Variants in COL22A1 observed in about 807,000 individuals in gnomAD.
COL22A1 encodes the protein collagen type XXII alpha 1 chain, also known as collagen alpha-1(XXII) chain.
COL22A1 carries 221 observed loss-of-function variants against 248.9 expected under a neutral mutation model. The ratio of observed to expected loss-of-function variants is 0.89; its 90% CI spans 0.80 to 0.99. The LOEUF (loss-of-function observed/expected upper bound fraction) is 0.99. Ranked by LOEUF, COL22A1 falls within the 50% of genes least tolerant of loss-of-function variation. The probability of loss-of-function intolerance (pLI) is 0.00; values close to 1 mark genes in which losing one functional copy is unlikely to be tolerated. For synonymous variants in COL22A1, 891 were observed against 793.4 expected (o/e 1.12, Z -2.07); for missense variants, 2,240 against 2,179.0 (o/e 1.03, Z -0.56).
chr8:138,726,837 G>T (rs979610528), intron 23 of COL22A1, among the ~76,000 whole-genome samples: 1 of 152,246 alleles, frequency 6.6e-6, no homozygotes, highest in South Asian at 2.1e-4. Context: ...GGCTGTCATA[G>T]TGAGGAGGAG....
intron 40 of COL22A1, 100 bp from the exon 41 acceptor site, chr8:138,676,735 C>A: frequency 1.1e-6 from 1 of 872,946 alleles, no homozygotes. Context: ...TGACTGCAGG[C>A]TTCTCCTGCC....
chr8:138,661,194 T>C (rs1241366515), intron 43 of COL22A1, among the ~76,000 whole-genome samples: 1 of 152,048 alleles, frequency 6.6e-6, no homozygotes, highest in African/African-American at 2.4e-5. Context: ...AATACTCCTA[T>C]TAGACTGGCT....
intron 40 of COL22A1, among the ~76,000 whole-genome samples, chr8:138,678,015 G>A (rs1825695687): frequency 6.6e-6 from 1 of 152,220 alleles, no homozygotes; most frequent in African/African-American, 2.4e-5. Flanking sequence ...GCTTTATTAA[G>A]GTTTAGGTTA....
At chr8:138,674,634 G>T (rs1458277586) in intron 41 of COL22A1, among the ~76,000 whole-genome samples, 2 of 152,250 alleles carry the variant, frequency 1.3e-5, no homozygotes, top group East Asian at 3.9e-4. Context: ...GTGGCAGGTG[G>T]GGTGAATTGT....
At chr8:138,646,578 A>G in intron 47 of COL22A1, 51 bp downstream of exon 47, 3 of 1,383,142 alleles carry the variant, frequency 2.2e-6, no homozygotes, top group Non-Finnish European at 2.9e-6. Flanking sequence ...GAGATTAACC[A>G]TTGAGATGAG....
At chr8:138,593,413 A>G (rs184567469) in intron 63 of COL22A1, among the ~76,000 whole-genome samples, 194 of 152,290 alleles carry the variant, frequency 1.3e-3, no homozygotes, top group African/African-American at 4.5e-3. Flanking sequence ...CTTTTGTTAA[A>G]AAAAAAGTTT....
chr8:138,653,040 C>T (rs374458068), intron 45 of COL22A1, among the ~76,000 whole-genome samples: 15 of 152,208 alleles, frequency 9.9e-5, no homozygotes, highest in Admixed American at 3.9e-4. Context: ...AGCCATCGCA[C>T]CCCGCCGGTC....
intron 47 of COL22A1, among the ~76,000 whole-genome samples, chr8:138,643,507 C>T (rs1371513043): frequency 2.6e-5 from 4 of 152,090 alleles, no homozygotes; most frequent in Non-Finnish European, 5.9e-5. Context: ...AGTGCCAACA[C>T]CCTTTTCCAG....
intron 4 of COL22A1, among the ~76,000 whole-genome samples, chr8:138,842,560 C>T (rs112179218): frequency 2.1e-3 from 313 of 152,274 alleles, no homozygotes; most frequent in African/African-American, 7.1e-3. Flanking sequence ...GCCAGAGCCT[C>T]GCTGGGGATT....
At chr8:138,707,001 A>G (rs1177625485) in intron 30 of COL22A1, among the ~76,000 whole-genome samples, 1 of 152,236 alleles carries the variant, frequency 6.6e-6, no homozygotes, top group African/African-American at 2.4e-5. Flanking sequence ...AGAGAATACT[A>G]TAAACACTTC....
At chr8:138,618,603 T>C (rs1819519079) in intron 53 of COL22A1, among the ~76,000 whole-genome samples, 1 of 152,160 alleles carries the variant, frequency 6.6e-6, no homozygotes, top group Non-Finnish European at 1.5e-5. Context: ...GAACAGAAAA[T>C]TTATTTTTGT....
intron 50 of COL22A1, 65 bp downstream of exon 50, chr8:138,630,630 A>T: frequency 6.9e-7 from 1 of 1,447,992 alleles, no homozygotes; most frequent in East Asian, 2.3e-5. Flanking sequence ...GAATTGGCAA[A>T]CACCTGGGGT....
intron 52 of COL22A1, among the ~76,000 whole-genome samples, chr8:138,623,455 T>C (rs1819988770): frequency 6.6e-6 from 1 of 151,966 alleles, no homozygotes; most frequent in African/African-American, 2.4e-5. Flanking sequence ...TAAACCAAAA[T>C]GTGGAGCAGG....
intron 23 of COL22A1, among the ~76,000 whole-genome samples, chr8:138,731,806 T>C (rs1830730640): frequency 6.6e-6 from 1 of 152,180 alleles, no homozygotes; most frequent in South Asian, 2.1e-4. Flanking sequence ...TCAGCTTTCC[T>C]GGATGACATA....
chr8:138,662,577 C>T (rs2130699245), intron 42 of COL22A1, among the ~76,000 whole-genome samples: 1 of 152,274 alleles, frequency 6.6e-6, no homozygotes. Flanking sequence ...GGAAACGGCA[C>T]AGATATCTTT....
chr8:138,733,252 G>T (rs1170949467), intron 23 of COL22A1, among the ~76,000 whole-genome samples: 1 of 152,344 alleles, frequency 6.6e-6, no homozygotes, highest in Non-Finnish European at 1.5e-5. Context: ...TTTCCTAAAA[G>T]GCTGCCAGGA....
At chr8:138,656,945 T>C (rs1193932890) in intron 44 of COL22A1, among the ~76,000 whole-genome samples, 2 of 152,182 alleles carry the variant, frequency 1.3e-5, no homozygotes, top group East Asian at 1.9e-4. Context: ...CCTGACCCCA[T>C]GGGCTTTCGG....
At chr8:138,785,266 T>G (rs890296115) in intron 12 of COL22A1, among the ~76,000 whole-genome samples, 3 of 151,954 alleles carry the variant, frequency 2.0e-5, no homozygotes, top group African/African-American at 7.3e-5. Context: ...TGGTGAGCAA[T>G]AAAGTGGGCT....
At chr8:138,626,108 G>T in intron 51 of COL22A1, 82 bp downstream of exon 51, 2 of 1,089,570 alleles carry the variant, frequency 1.8e-6, no homozygotes, top group Non-Finnish European at 2.7e-6. Flanking sequence ...TGTTTTGACA[G>T]TGGAATATAT....
Sources: allele counts gnomAD v4.1 joint callset (sites outside exome capture counted in the v4.1 genomes callset), GRCh38; gene constraint gnomAD v4.1.1; transcripts MANE v1.5; gene names NCBI Gene and HGNC (gene_info 2026-07-23, HGNC 2026-07-21).